DNAJC6: variants seen among roughly 807,000 people sequenced by gnomAD.
DNAJC6 encodes the protein DnaJ heat shock protein family (Hsp40) member C6.
In DNAJC6, 34 loss-of-function variants were observed where a neutral mutation model predicts 110.0. The ratio of observed to expected loss-of-function variants is 0.31; its 90% CI spans 0.24 to 0.41. DNAJC6 has a LOEUF of 0.41. DNAJC6 is among the 10% of genes least tolerant of loss of function. DNAJC6 has a pLI of 1.00. For synonymous variants in DNAJC6, 406 were observed against 437.2 expected, an observed-to-expected ratio of 0.93 and a Z score of 0.89; for missense variants, 1,031 against 1,207.8, an observed-to-expected ratio of 0.85 and a Z score of 2.17.
In DNAJC6 at chr1:65,309,882, C is replaced by T. The variant is rs931797277; in HGVS notation, c.137C>T (p.Ala46Val). Residue 46 changes from alanine (A) to valine (V), a missense_variant, in exon 1 of 19, where the codon GCG becomes GTG. Transcript: ENST00000371069. ...AAGCAGAGAGTGAACGCCGGGGCAG[C>T]GGCGCGGAGTCCCGCCCGACAGCCT... Reference protein sequence around the residue: ...GGKQRVNAGAAARSPARQPPD... With the variant: ...GGKQRVNAGAVARSPARQPPD... The T allele has an allele frequency of 1.9e-6, 3 of 1,544,726 alleles. No individual in the cohort carries two copies. In the South Asian group the frequency reaches 3.6e-5, roughly 18 times the overall value.
At position 65,382,175 on chromosome 1, in the gene DNAJC6, A is replaced by G. The variant is rs574766121; in HGVS notation, c.667-2018A>G. Among the ~76,000 whole-genome samples the G allele has an allele frequency of 3.9e-5, 6 of 152,366 alleles. No individual in the cohort carries two copies. The South Asian group carries it at 1.0e-3, about 26-fold the overall frequency. On this transcript the variant is annotated intron_variant, in intron 5 of 18. Transcript: ENST00000371069. ...AACTCTTAGCAAAAAAGGAATCTCC[A>G]TTGGTTTGTTATGAGCACATATCAA...
At chr1:65,338,069 C>A (rs1645355105) in intron 1 of DNAJC6, among the ~76,000 whole-genome samples, 1 of 152,110 alleles carries the variant, frequency 6.6e-6, no homozygotes, top group Non-Finnish European at 1.5e-5. Flanking sequence ...GCTCTAGTTC[C>A]TTTTAGAGGG....
At chr1:65,340,338 C>G (rs1645377696) in intron 1 of DNAJC6, among the ~76,000 whole-genome samples, 1 of 152,318 alleles carries the variant, frequency 6.6e-6, no homozygotes, top group African/African-American at 2.4e-5. Flanking sequence ...ATGGTAGCTG[C>G]TGGAGGAAGA....
At chr1:65,388,028 G>A (rs2101605011) in intron 8 of DNAJC6, among the ~76,000 whole-genome samples, 1 of 152,274 alleles carries the variant, frequency 6.6e-6, no homozygotes, top group Non-Finnish European at 1.5e-5. Flanking sequence ...ATGCCCTAAA[G>A]GATGAGTTCA....
At chr1:65,283,639 A>G (rs1247652021) in intron 1 of DNAJC6, among the ~76,000 whole-genome samples, 1 of 152,236 alleles carries the variant, frequency 6.6e-6, no homozygotes, top group African/African-American at 2.4e-5. Context: ...CCTGTGTGAA[A>G]GTAAGTCTTC....
chr1:65,313,103 A>G (rs1645117041), intron 1 of DNAJC6, among the ~76,000 whole-genome samples: 1 of 151,742 alleles, frequency 6.6e-6, no homozygotes, highest in Non-Finnish European at 1.5e-5. Flanking sequence ...CCCAGGCTGG[A>G]GTGCAGTGGT....
At chr1:65,350,708 G>A (rs1557535892) in intron 1 of DNAJC6, among the ~76,000 whole-genome samples, 1 of 152,206 alleles carries the variant, frequency 6.6e-6, no homozygotes, top group Non-Finnish European at 1.5e-5. Context: ...TCCTAGGAAT[G>A]CAGCCTTTAT....
intron 13 of DNAJC6, among the ~76,000 whole-genome samples, chr1:65,395,926 G>T (rs1284811890): frequency 1.3e-5 from 2 of 152,172 alleles, no homozygotes; most frequent in Non-Finnish European, 2.9e-5. Flanking sequence ...GCTCATTCCT[G>T]ATGTCGAAGT....
At chr1:65,375,276 T>A (rs1011526922) in intron 4 of DNAJC6, among the ~76,000 whole-genome samples, 3 of 151,428 alleles carry the variant, frequency 2.0e-5, no homozygotes, top group African/African-American at 7.3e-5. Context: ...CATGAGGATT[T>A]TTATCATAAA....
In DNAJC6 at chr1:65,368,807, C is replaced by T. The variant is rs552460576; in HGVS notation, c.543+2611C>T. Among the ~76,000 whole-genome samples the T allele has an allele frequency of 1.1e-3, 153 of 141,072 alleles. 3 individuals are homozygous for T. Among genetic ancestry groups the T allele is most frequent in the African/African-American group, 3.6e-3 (139 of 38,524 alleles). 92.5% of individuals were successfully genotyped at this position (141,072 alleles called of 152,430 possible). On this transcript the variant is annotated intron_variant, in intron 4 of 18. Transcript: ENST00000371069. ...TCCCTTCCCTTCCAAAAGAGCCTCA[C>T]TCAGTTGCCCAGGCTGGAGTACAGT...
At chr1:65,303,632 C>G (rs1206800619) in intron 1 of DNAJC6, among the ~76,000 whole-genome samples, 1 of 151,980 alleles carries the variant, frequency 6.6e-6, no homozygotes, top group Non-Finnish European at 1.5e-5. Flanking sequence ...GATCTCGGCT[C>G]ACTGCAACCT....
rs1433701435 is a variant in DNAJC6, at chr1:65,414,372, A to T, written c.*1347A>T. 2 of 152,670 alleles carry T rather than the reference A, an allele frequency of 1.3e-5. No individual in the cohort carries two copies. The highest frequency in any genetic ancestry group is 2.9e-5 in the Non-Finnish European group (2 of 68,048). 9.5% of individuals were successfully genotyped at this position (152,670 alleles called of 1,614,324 possible). On this transcript the variant is annotated 3_prime_UTR_variant, in exon 19 of 19. Transcript: ENST00000371069. Reference sequence around the variant, plus strand: ...TTTTGTGTGCACATATACAATGTGCATTATACATATATATTAAATATATCC... The same window carrying T: ...TTTTGTGTGCACATATACAATGTGCTTTATACATATATATTAAATATATCC...
intron 13 of DNAJC6, among the ~76,000 whole-genome samples, chr1:65,395,343 T>G (rs951817444): frequency 6.6e-6 from 1 of 152,232 alleles, no homozygotes; most frequent in African/African-American, 2.4e-5. Flanking sequence ...TATGTACCAA[T>G]AAGAAAGAAA....
In DNAJC6 at chr1:65,402,590, C is replaced by T. The variant is rs1279802549; in HGVS notation, c.2227+710C>T. Reference sequence around the variant, plus strand: ...CTGAAACATTTTCTTCCTCCTTTTTCCTTCCTCCTCTAGGGCAGTGCAGAT... The same window carrying T: ...CTGAAACATTTTCTTCCTCCTTTTTTCTTCCTCCTCTAGGGCAGTGCAGAT... On this transcript the variant is annotated intron_variant, in intron 15 of 18. Transcript: ENST00000371069. Among the ~76,000 whole-genome samples the T allele has an allele frequency of 1.3e-5, 2 of 152,058 alleles. 1 individual carries two copies. Among genetic ancestry groups the T allele is most frequent in the African/African-American group, 4.8e-5 (2 of 41,426 alleles).
chr1:65,347,196 A>G (rs183657421), intron 1 of DNAJC6, among the ~76,000 whole-genome samples: 60 of 152,338 alleles, frequency 3.9e-4, no homozygotes, highest in Non-Finnish European at 7.5e-4. Context: ...CAAAATGTGT[A>G]TATGTACGTA....
intron 12 of DNAJC6, among the ~76,000 whole-genome samples, chr1:65,394,383 C>G (rs1357465363): frequency 6.6e-6 from 1 of 152,144 alleles, no homozygotes; most frequent in Non-Finnish European, 1.5e-5. Context: ...AGTTAAAGAC[C>G]TGGATTTGAA....
At chr1:65,367,688 T>A (rs1273402909) in intron 4 of DNAJC6, among the ~76,000 whole-genome samples, 1 of 152,194 alleles carries the variant, frequency 6.6e-6, no homozygotes, top group African/African-American at 2.4e-5. Flanking sequence ...TTTATACATA[T>A]AAAGATGTCT....
chr1:65,293,870 T>C (rs9436707), intron 1 of DNAJC6, among the ~76,000 whole-genome samples: 81 of 152,324 alleles, frequency 5.3e-4, no homozygotes, highest in African/African-American at 1.9e-3. Flanking sequence ...CAAACTTATG[T>C]TCTATTAGTG....
At chr1:65,371,425 T>C (rs1056484812) in intron 4 of DNAJC6, among the ~76,000 whole-genome samples, 1 of 152,126 alleles carries the variant, frequency 6.6e-6, no homozygotes, top group Non-Finnish European at 1.5e-5. Flanking sequence ...AGGAATAAAT[T>C]TGATAGCAGT....
Sources: allele counts gnomAD v4.1 joint callset (sites outside exome capture counted in the v4.1 genomes callset), GRCh38; gene constraint gnomAD v4.1.1; transcripts MANE v1.5; gene names NCBI Gene and HGNC (gene_info 2026-07-23, HGNC 2026-07-21).